The following SLC26A9 variants were observed in gnomAD, a reference collection of about 807,000 sequenced individuals.
The protein encoded by SLC26A9 is solute carrier family 26 member 9, also known as anion transporter/exchanger protein 9.
In SLC26A9, 46 loss-of-function variants were observed where a neutral mutation model predicts 87.1. That is an observed-to-expected ratio of 0.53 (90% CI 0.42 to 0.67). The LOEUF is 0.67. Ranked by LOEUF, SLC26A9 falls within the 30% of genes least tolerant of loss-of-function variation. The pLI is 0.00. For missense variants in SLC26A9, 927 were observed against 1,018.3 expected (o/e 0.91, Z 1.22); for synonymous variants, 437 against 409.1 (o/e 1.07, Z -0.82).
In SLC26A9 at chr1:205,923,071, C is replaced by T; in HGVS notation, c.1773+11G>A. The T allele has an allele frequency of 6.2e-7, 1 of 1,612,064 alleles. No homozygotes were observed. Among genetic ancestry groups the T allele is most frequent in the African/African-American group, 1.3e-5 (1 of 74,972 alleles). On this transcript the variant is annotated intron_variant, in intron 16 of 20. Transcript: ENST00000367135. ...GAGCAGGGCACGGGGCTGCTTCTGG[C>T]CTTCATTCACCTTGGTTTTCATGAA...
intron 1 of SLC26A9, among the ~76,000 whole-genome samples, chr1:205,941,310 T>C (rs893800413): frequency 6.6e-6 from 1 of 152,044 alleles, no homozygotes; most frequent in South Asian, 2.1e-4. Flanking sequence ...CTGGGATTAC[T>C]GGTGCGCGCC....
intron 19 of SLC26A9, 110 bp from the exon 20 acceptor site, chr1:205,917,464 C>T: frequency 9.9e-7 from 1 of 1,012,006 alleles, no homozygotes. Flanking sequence ...ACGCTGCTTC[C>T]TGACACATGA....
chr1:205,938,287 A>C (rs888936724), intron 1 of SLC26A9, among the ~76,000 whole-genome samples: 6 of 147,636 alleles, frequency 4.1e-5, no homozygotes, highest in African/African-American at 1.3e-4. Context: ...TCCTTCCTTC[A>C]TGTCCTTCTG....
rs1658982258 is a variant in SLC26A9 at position 205,924,416 on chromosome 1, A to G, written c.1463T>C (p.Phe488Ser). 1 of 1,614,200 alleles carries G rather than the reference A, an allele frequency of 6.2e-7. No homozygotes were observed. Among genetic ancestry groups the G allele is most frequent in the East Asian group, 2.2e-5 (1 of 44,878 alleles). The change falls in exon 13 of 21, where the codon TTC (phenylalanine) becomes TCC (serine). Residue 488 changes from phenylalanine (F) to serine (S), a missense_variant. Physicochemically the swap from Phe to Ser is radical, Grantham distance 155 (BLOSUM62 -2). Coordinates refer to ENST00000367135, the MANE Select transcript of SLC26A9 (RefSeq NM_052934.4). ...LPYGVAVGVA[F>S]SVLVVVFQTQ... ...CTGGAAGACCACGACCAGGACGGAG[A>G]AGGCGACACCCACTGCCACACCATA...
At chr1:205,930,247 G>C (rs939727008) in intron 5 of SLC26A9, 191 bp from the exon 6 acceptor site, 2 of 482,624 alleles carry the variant, frequency 4.1e-6, no homozygotes, top group African/African-American at 3.8e-5. Context: ...CAGACCTTCA[G>C]CTCCTTTAGA....
intron 1 of SLC26A9, among the ~76,000 whole-genome samples, chr1:205,939,965 A>T (rs1659669549): frequency 6.6e-6 from 1 of 152,182 alleles, no homozygotes; most frequent in Non-Finnish European, 1.5e-5. Flanking sequence ...GGCCAGGGAT[A>T]AATAGCAGGT....
At chr1:205,928,515 A>G in intron 8 of SLC26A9, 1 of 466,632 alleles carries the variant, frequency 2.1e-6, no homozygotes, top group Non-Finnish European at 3.8e-6. Context: ...TACATGGACA[A>G]AGAACCAATG....
chr1:205,928,078 C>A (rs933088830), intron 8 of SLC26A9, 29 bp from the exon 9 acceptor site: 1 of 1,607,474 alleles, frequency 6.2e-7, no homozygotes, highest in Non-Finnish European at 8.5e-7. Context: ...GGAGGCAGAA[C>A]CCAAGGGTGT....
chr1:205,921,891 T>C, intron 16 of SLC26A9, 44 bp from the exon 17 acceptor site: 1 of 1,577,276 alleles, frequency 6.3e-7, no homozygotes, highest in South Asian at 1.2e-5. Flanking sequence ...ACCACCAGAC[T>C]GAGCCAGACC....
At chr1:205,941,711 TGGGTGCTGGGCTGA>T (rs1349555725) in intron 1 of SLC26A9, among the ~76,000 whole-genome samples, 1 of 152,204 alleles carries the variant, frequency 6.6e-6, no homozygotes, top group East Asian at 1.9e-4. Flanking sequence ...CTGCTGGGAA[TGGGTGCTGGGCTGA>T]GGAAATAGGC....
intron 1 of SLC26A9, among the ~76,000 whole-genome samples, chr1:205,939,632 A>T (rs1032084670): frequency 6.6e-6 from 1 of 151,144 alleles, no homozygotes; most frequent in Non-Finnish European, 1.5e-5. Context: ...GGGAAGGGGG[A>T]TGGGAGTGGT....
rs777928390 is a variant in SLC26A9 at position 205,915,288 on chromosome 1, C to A, written c.*69G>T. The A allele has an allele frequency of 1.2e-6, 2 of 1,610,376 alleles. No individual in the cohort carries two copies. Among genetic ancestry groups the A allele is most frequent in the Admixed American group, 1.7e-5 (1 of 59,822 alleles). On this transcript the variant is annotated 3_prime_UTR_variant, in exon 21 of 21. Transcript: ENST00000367135. Reference sequence around the variant, plus strand: ...CTCCGCCCGACACCCCCTGTGACCCCAGGCTCATCCTTTATGGAAGTCCCA... The same window carrying A: ...CTCCGCCCGACACCCCCTGTGACCCAAGGCTCATCCTTTATGGAAGTCCCA...
In SLC26A9 at chr1:205,914,892, C is replaced by A. The variant is rs1281595299; in HGVS notation, c.*465G>T. The A allele has an allele frequency of 6.2e-7, 1 of 1,607,788 alleles. No homozygotes were observed. The highest frequency in any genetic ancestry group is 1.3e-5 in the African/African-American group (1 of 74,860). On this transcript the variant is annotated 3_prime_UTR_variant, in exon 21 of 21. Transcript: ENST00000367135. ...GCCAGAGTCCTAACCAAGTTTATCC[C>A]TATGTCCGTGACAGCCTGACACCAT...
chr1:205,923,649 G>T (rs1658940948), intron 13 of SLC26A9, 36 bp from the exon 14 acceptor site: 1 of 1,613,124 alleles, frequency 6.2e-7, no homozygotes, highest in African/African-American at 1.3e-5. Context: ...ATAAGAGAAT[G>T]CTAATGGCAC....
Position 205,914,655 on chromosome 1 carries a change from C to G in SLC26A9, c.*702G>C, listed in dbSNP as rs985841473. 1 of 496,370 alleles carries G rather than the reference C, an allele frequency of 2.0e-6. No homozygotes were observed. Among genetic ancestry groups the G allele is most frequent in the South Asian group, 3.3e-5 (1 of 29,950 alleles). The allele number at this position is 496,370 out of a possible 1,614,324, so 30.7% of individuals were successfully genotyped here. A position where few individuals can be genotyped will look rare whatever the true frequency, so the allele number is the denominator to read the frequency against. ...AGGCAGAACCTTAGTGGGCTGTCCC[C>G]GGGGAGGTAGCTCTGGTGGTCTCGA... On this transcript the variant is annotated 3_prime_UTR_variant, in exon 21 of 21. Coordinates refer to ENST00000367135, the MANE Select transcript of SLC26A9 (RefSeq NM_052934.4).
In SLC26A9 at chr1:205,914,504, A is replaced by C; in HGVS notation, c.*853T>G. 1 of 196,992 alleles carries C rather than the reference A, an allele frequency of 5.1e-6. No homozygotes were observed. Among genetic ancestry groups the C allele is most frequent in the African/African-American group, 2.3e-5 (1 of 43,206 alleles). 12.2% of individuals were successfully genotyped at this position (196,992 alleles called of 1,614,324 possible). A position where few individuals can be genotyped will look rare whatever the true frequency, so the allele number is the denominator to read the frequency against. ...GGAATTCCCAAAAGTTTTGTGCAGA[A>C]TAACTGGTATCTATTACTAGGATGC... On this transcript the variant is annotated 3_prime_UTR_variant, in exon 21 of 21. Transcript: ENST00000367135.
chr1:205,920,089 C>G (rs1658762437), intron 18 of SLC26A9, 87 bp downstream of exon 18: 1 of 1,504,176 alleles, frequency 6.6e-7, no homozygotes, highest in African/African-American at 1.4e-5. Flanking sequence ...TCGTTTCCAA[C>G]CTCCTCACTA....
Position 205,915,209 on chromosome 1 carries a change from GGAGGAGAGAGGGGGA to G in SLC26A9, c.*133_*147del, listed in dbSNP as rs1489998770. The G allele has an allele frequency of 6.2e-7, 1 of 1,608,414 alleles. No individual in the cohort carries two copies. Among genetic ancestry groups the G allele is most frequent in the Non-Finnish European group, 8.5e-7 (1 of 1,176,450 alleles). ...CTGGAGATGCGGGGAGGGAAGGAAG[GGAGGAGAGAGGGGGA>G]GAGGAGAGAGGAACCCAAGCTCTGG... On this transcript the variant is annotated 3_prime_UTR_variant, in exon 21 of 21. Coordinates refer to ENST00000367135, the MANE Select transcript of SLC26A9 (RefSeq NM_052934.4).
Position 205,932,025 on chromosome 1 carries a change from G to A in SLC26A9, c.387C>T (p.Ala129=), listed in dbSNP as rs556634347. 2.4e-5 allele frequency: 39 copies of A among 1,614,130 alleles called. No homozygotes were observed. The East Asian group carries it at 2.5e-4, about 10-fold the overall frequency. ...GVHQMVPGTF[A]VISILVGNIC... ...TGTTACCCACCAGGATGCTGATAAC[G>A]GCAAAGGTACCTGTGGTGCCCCACC... The change falls in exon 5 of 21, where the codon GCC becomes GCT. Residue 129 remains alanine (A), a synonymous_variant. Transcript: ENST00000367135.
Sources: allele counts gnomAD v4.1 joint callset (sites outside exome capture counted in the v4.1 genomes callset), GRCh38; gene constraint gnomAD v4.1.1; transcripts MANE v1.5; gene names NCBI Gene and HGNC (gene_info 2026-07-23, HGNC 2026-07-21).